CTNNA1: variants seen among roughly 807,000 people sequenced by gnomAD.
CTNNA1 encodes the protein catenin alpha 1, also known as catenin alpha-1.
Under a neutral mutation model 98.4 loss-of-function variants are expected in CTNNA1, and 37 were observed. That is an observed-to-expected ratio of 0.38 (90% CI 0.29 to 0.49). The LOEUF is 0.49. Among genes scored for constraint, CTNNA1 ranks in the 20% least tolerant of loss-of-function variants. CTNNA1 has a pLI of 0.95. For missense variants in CTNNA1, 761 were observed against 1,147.2 expected, an observed-to-expected ratio of 0.66 and a Z score of 4.86; for synonymous variants, 404 against 413.2, an observed-to-expected ratio of 0.98 and a Z score of 0.27.
intron 10 of CTNNA1, among the ~76,000 whole-genome samples, chr5:138,906,809 G>C (rs1285549366): frequency 1.3e-5 from 2 of 152,162 alleles, no homozygotes; most frequent in African/African-American, 4.8e-5. Context: ...TTATTCTTCA[G>C]ATTCTCACCT....
chr5:138,808,140 G>A (rs73269606), intron 3 of CTNNA1, among the ~76,000 whole-genome samples: 1 of 152,256 alleles, frequency 6.6e-6, no homozygotes, highest in Admixed American at 6.5e-5. Flanking sequence ...GTTTTCTTCA[G>A]CGTATTTCCA....
intron 10 of CTNNA1, among the ~76,000 whole-genome samples, chr5:138,905,026 G>A (rs1306174661): frequency 4.0e-5 from 6 of 150,238 alleles, no homozygotes; most frequent in African/African-American, 7.4e-5. Flanking sequence ...CCTGGGAGGC[G>A]GAGCTTGCAG....
intron 9 of CTNNA1, among the ~76,000 whole-genome samples, chr5:138,895,207 T>G (rs1279632818): frequency 6.6e-6 from 1 of 152,162 alleles, no homozygotes; most frequent in East Asian, 1.9e-4. Flanking sequence ...TGCTCAACAT[T>G]CAGATTCCTG....
intron 1 of CTNNA1, among the ~76,000 whole-genome samples, chr5:138,762,874 G>T: frequency 6.6e-6 from 1 of 150,944 alleles, no homozygotes; most frequent in South Asian, 2.1e-4. Context: ...TCTCTAAGAG[G>T]TTTTTTTTTC....
At chr5:138,816,970 G>A (rs1759497199) in intron 5 of CTNNA1, among the ~76,000 whole-genome samples, 1 of 152,168 alleles carries the variant, frequency 6.6e-6, no homozygotes, top group Non-Finnish European at 1.5e-5. Context: ...CAGAGTGCCT[G>A]GATTACAGGT....
At chr5:138,822,302 G>C (rs1353331133) in intron 5 of CTNNA1, among the ~76,000 whole-genome samples, 1 of 152,198 alleles carries the variant, frequency 6.6e-6, no homozygotes, top group African/African-American at 2.4e-5. Flanking sequence ...CTTTGGAAAA[G>C]TAGAAGTTGG....
chr5:138,859,072 G>A (rs1287230159), intron 7 of CTNNA1, among the ~76,000 whole-genome samples: 1 of 152,234 alleles, frequency 6.6e-6, no homozygotes, highest in Non-Finnish European at 1.5e-5. Flanking sequence ...TAGTATGATT[G>A]ATGGGCTTGT....
intron 7 of CTNNA1, among the ~76,000 whole-genome samples, chr5:138,882,499 C>T (rs1285397105): frequency 6.6e-6 from 1 of 152,122 alleles, no homozygotes. Flanking sequence ...ATGTAGGGCA[C>T]TTTTTATCTA....
chr5:138,906,563 C>T (rs907722571), intron 10 of CTNNA1, among the ~76,000 whole-genome samples: 1 of 152,166 alleles, frequency 6.6e-6, no homozygotes, highest in African/African-American at 2.4e-5. Context: ...AAAAAAATCA[C>T]ACGGAGAGTC....
chr5:138,851,481 G>A (rs1763176741), intron 7 of CTNNA1, among the ~76,000 whole-genome samples: 1 of 152,208 alleles, frequency 6.6e-6, no homozygotes, highest in African/African-American at 2.4e-5. Context: ...TACCTGGCTG[G>A]GCGCGGTGGC....
intron 7 of CTNNA1, among the ~76,000 whole-genome samples, chr5:138,862,109 T>A (rs1369653000): frequency 6.6e-6 from 1 of 152,196 alleles, no homozygotes; most frequent in Non-Finnish European, 1.5e-5. Context: ...TTGAGATAGG[T>A]TAATTCTGAG....
chr5:138,777,661 G>C (rs529855911), intron 1 of CTNNA1, among the ~76,000 whole-genome samples: 1 of 152,094 alleles, frequency 6.6e-6, no homozygotes, highest in South Asian at 2.1e-4. Context: ...CTGGAGACCA[G>C]CCCGGCTAAC....
chr5:138,823,889 G>A (rs1330306529), intron 5 of CTNNA1, among the ~76,000 whole-genome samples: 3 of 140,240 alleles, frequency 2.1e-5, no homozygotes, highest in African/African-American at 7.8e-5. Context: ...CCCGGGAGGC[G>A]GAGCTTGCAG....
chr5:138,858,005 GAC>G (rs1349755731), intron 7 of CTNNA1, among the ~76,000 whole-genome samples: 5 of 152,068 alleles, frequency 3.3e-5, no homozygotes, highest in Admixed American at 1.3e-4. Context: ...TTTCCTTTGA[GAC>G]ATATTTAGCC....
intron 10 of CTNNA1, among the ~76,000 whole-genome samples, chr5:138,905,011 G>A (rs1382114653): frequency 4.7e-5 from 7 of 150,348 alleles, no homozygotes; most frequent in African/African-American, 9.8e-5. Flanking sequence ...GCAGAATGGC[G>A]TGAACCTGGG....
At chr5:138,899,800 C>T (rs1757635274) in intron 9 of CTNNA1, among the ~76,000 whole-genome samples, 1 of 152,204 alleles carries the variant, frequency 6.6e-6, no homozygotes, top group Non-Finnish European at 1.5e-5. Context: ...ACCTGCCTAG[C>T]TCTGCATTAA....
chr5:138,926,967 G>A lies in CTNNA1; in HGVS notation c.1899+1560G>A, dbSNP rs28363480. On this transcript the variant is annotated intron_variant, in intron 13 of 17. Coordinates refer to ENST00000302763, the MANE Select transcript of CTNNA1 (RefSeq NM_001903.5). The stretch of plus-strand genomic sequence containing the variant: ...ATAGTGACTCCGTCTTCCCTTGCTC[G>A]GGCCCAGACCTCGAATCTTTTATTT... 3.2e-3 allele frequency among the ~76,000 whole-genome samples: 481 copies of A among 152,282 alleles called. 11 individuals carry two copies. The highest frequency in any genetic ancestry group is 0.023 in the Admixed American group (358 of 15,302).
intron 13 of CTNNA1, among the ~76,000 whole-genome samples, chr5:138,926,209 G>A (rs545625139): frequency 6.6e-6 from 1 of 152,296 alleles, no homozygotes; most frequent in South Asian, 2.1e-4. Context: ...TGAGTCTACT[G>A]TGGGGTCTTC....
intron 17 of CTNNA1, 49 bp downstream of exon 17, chr5:138,932,761 T>C: frequency 6.2e-7 from 1 of 1,608,844 alleles, no homozygotes; most frequent in Non-Finnish European, 8.5e-7. Context: ...GTGCTGACCC[T>C]TGTCAGAAAT....
Sources: gnomAD v4.1 joint callset for allele counts (sites outside exome capture counted in the v4.1 genomes callset) on GRCh38, gnomAD v4.1.1 for gene constraint, MANE v1.5 for transcripts, NCBI Gene and HGNC (gene_info 2026-07-23, HGNC 2026-07-21) for gene names.